TMEM156: variants seen among roughly 807,000 people sequenced by gnomAD.
TMEM156 encodes transmembrane protein 156.
TMEM156 carries 28 observed loss-of-function variants against 30.5 expected under a neutral mutation model. The ratio of observed to expected loss-of-function variants is 0.92; its 90% CI spans 0.68 to 1.26. The LOEUF (loss-of-function observed/expected upper bound fraction) is 1.26. TMEM156 is among the 50% of genes most tolerant of loss of function. The pLI is 0.00. For missense variants in TMEM156, 351 were observed against 340.6 expected (o/e 1.03, Z -0.24); for synonymous variants, 137 against 119.9 (o/e 1.14, Z -0.93).
At chr4:38,974,252 T>A (rs1285649956) in intron 5 of TMEM156, among the ~76,000 whole-genome samples, 1 of 150,644 alleles carries the variant, frequency 6.6e-6, no homozygotes, top group Non-Finnish European at 1.5e-5. Flanking sequence ...TCACCCAGGT[T>A]GGAGTATAGT....
At position 38,971,153 on chromosome 4, in the gene TMEM156, A is replaced by T; in HGVS notation, c.824-16T>A. 6.2e-7 allele frequency: 1 copy of T among 1,613,058 alleles called. No homozygotes were observed. Among genetic ancestry groups the T allele is most frequent in the Non-Finnish European group, 8.5e-7 (1 of 1,179,154 alleles). ...GTGGTCTCTGCTATTTAAGAAGGAG[A>T]ACTGTTTTAGTCTATATGTAGTAAA... On this transcript the variant is annotated splice_polypyrimidine_tract_variant and intron_variant, in intron 5 of 6. Coordinates refer to ENST00000381938, the MANE Select transcript of TMEM156 (RefSeq NM_024943.3).
chr4:38,983,201 C>G (rs1037852023), intron 5 of TMEM156, among the ~76,000 whole-genome samples: 1 of 152,126 alleles, frequency 6.6e-6, no homozygotes, highest in Non-Finnish European at 1.5e-5. Context: ...TTATTTTCCA[C>G]GCTTAGTTTC....
intron 1 of TMEM156, among the ~76,000 whole-genome samples, chr4:39,013,320 A>G (rs1714247007): frequency 6.7e-6 from 1 of 148,592 alleles, no homozygotes; most frequent in Non-Finnish European, 1.5e-5. Flanking sequence ...AAAAAAAAAA[A>G]GAAAGAAAGA....
At chr4:38,981,541 T>C (rs1711543148) in intron 5 of TMEM156, among the ~76,000 whole-genome samples, 1 of 152,170 alleles carries the variant, frequency 6.6e-6, no homozygotes, top group Non-Finnish European at 1.5e-5. Context: ...GATCTGTGGC[T>C]TAAACCCCCA....
chr4:38,976,536 C>A (rs529467363), intron 5 of TMEM156, among the ~76,000 whole-genome samples: 46 of 152,174 alleles, frequency 3.0e-4, no homozygotes, highest in African/African-American at 1.1e-3. Context: ...CCTGTGAGAC[C>A]CTAAGCAGAA....
chr4:38,990,711 G>A (rs567500939), intron 3 of TMEM156, among the ~76,000 whole-genome samples: 2 of 151,948 alleles, frequency 1.3e-5, no homozygotes, highest in Non-Finnish European at 2.9e-5. Context: ...TATTATCTCA[G>A]AGTAAATTTG....
At position 39,013,339 on chromosome 4, in the gene TMEM156, A is replaced by G. The variant is rs964638334; in HGVS notation, c.89-14430T>C. Among the ~76,000 whole-genome samples the G allele has an allele frequency of 4.0e-5, 6 of 151,060 alleles. No homozygotes were observed. The South Asian group carries it at 1.2e-3, about 31-fold the overall frequency. ...AAAAAAAGAAAGAAAGAAAAAGAAA[A>G]CAAAGAAAAAAAAAGAGTAGTATGA... On this transcript the variant is annotated intron_variant, in intron 1 of 6. Coordinates refer to ENST00000381938, the MANE Select transcript of TMEM156 (RefSeq NM_024943.3).
intron 1 of TMEM156, among the ~76,000 whole-genome samples, chr4:39,009,269 C>G (rs917011402): frequency 5.9e-5 from 9 of 151,934 alleles, no homozygotes; most frequent in Admixed American, 3.3e-4. Context: ...CCTACCAGCC[C>G]AGAACAGCCC....
intron 4 of TMEM156, among the ~76,000 whole-genome samples, chr4:38,987,602 G>C (rs549395855): frequency 6.6e-6 from 1 of 152,220 alleles, no homozygotes; most frequent in Non-Finnish European, 1.5e-5. Context: ...GGTAAAGAAG[G>C]AAAGAGTCTT....
chr4:38,988,533 G>C (rs2109927884), intron 4 of TMEM156, among the ~76,000 whole-genome samples: 1 of 152,212 alleles, frequency 6.6e-6, no homozygotes, highest in Non-Finnish European at 1.5e-5. Context: ...CGCTCGGCCT[G>C]AAATTCTTTA....
chr4:39,025,151 C>T (rs1165343765), intron 1 of TMEM156, among the ~76,000 whole-genome samples: 2 of 151,884 alleles, frequency 1.3e-5, no homozygotes, highest in Non-Finnish European at 2.9e-5. Flanking sequence ...GAGTTTGAAA[C>T]CAGCCTGGAT....
chr4:38,979,649 G>A (rs1203433008), intron 5 of TMEM156, among the ~76,000 whole-genome samples: 1 of 152,140 alleles, frequency 6.6e-6, no homozygotes, highest in Admixed American at 6.5e-5. Flanking sequence ...ATCACACTTT[G>A]GGAGATGCAG....
intron 5 of TMEM156, among the ~76,000 whole-genome samples, chr4:38,980,724 A>T (rs1341894338): frequency 6.6e-6 from 1 of 152,238 alleles, no homozygotes; most frequent in East Asian, 1.9e-4. Context: ...TTCGTTAGTT[A>T]AGCCAAGATC....
chr4:39,005,492 C>T (rs1713668340), intron 1 of TMEM156, among the ~76,000 whole-genome samples: 1 of 152,190 alleles, frequency 6.6e-6, no homozygotes, highest in African/African-American at 2.4e-5. Flanking sequence ...CCTCCCCAGC[C>T]ATGCAGAACT....
chr4:38,972,884 T>A (rs113430114), intron 5 of TMEM156, among the ~76,000 whole-genome samples: 2,496 of 152,324 alleles, frequency 0.016, 28 homozygotes, highest in East Asian at 0.061. Flanking sequence ...TTGGTCTTTT[T>A]TCTTAGCTTG....
In TMEM156 at chr4:38,988,871, C is replaced by G. The variant is rs1170554232; in HGVS notation, c.719G>C (p.Arg240Thr). The G allele has an allele frequency of 1.2e-6, 2 of 1,614,076 alleles. No homozygotes were observed. The highest frequency in any genetic ancestry group is 1.7e-6 in the Non-Finnish European group (2 of 1,179,970). Residue 240 changes from arginine (R) to threonine (T), a missense_variant, in exon 4 of 7, where the codon AGA becomes ACA. Coordinates refer to ENST00000381938, the MANE Select transcript of TMEM156 (RefSeq NM_024943.3). ...CTTACTCTGCCACTTTTGCACTCTTCTCTGGCCTTCAAGTATTTTGCGGAT... is the reference window on the plus strand; with the variant it reads ...CTTACTCTGCCACTTTTGCACTCTTGTCTGGCCTTCAAGTATTTTGCGGAT... ...LTIRKILEGQ[R>T]RVQKWQSHRD...
chr4:38,996,513 A>C (rs967525077), intron 2 of TMEM156, among the ~76,000 whole-genome samples: 2 of 152,146 alleles, frequency 1.3e-5, no homozygotes, highest in Admixed American at 1.3e-4. Context: ...CAGAGGTTGC[A>C]GTGAGCTGAG....
chr4:38,997,365 C>T (rs1713004984), intron 2 of TMEM156, among the ~76,000 whole-genome samples: 1 of 152,162 alleles, frequency 6.6e-6, no homozygotes, highest in African/African-American at 2.4e-5. Flanking sequence ...AAGCCCAAGC[C>T]TCACAATTAT....
intron 1 of TMEM156, among the ~76,000 whole-genome samples, chr4:39,015,325 TG>T (rs1011953444): frequency 3.3e-5 from 5 of 152,186 alleles, no homozygotes; most frequent in African/African-American, 1.2e-4. Context: ...GATCTTAAAA[TG>T]AAGAAATTAT....
Sources: allele counts gnomAD v4.1 joint callset (sites outside exome capture counted in the v4.1 genomes callset), GRCh38; gene constraint gnomAD v4.1.1; transcripts MANE v1.5; gene names NCBI Gene and HGNC (gene_info 2026-07-23, HGNC 2026-07-21).